Variants in SPIDR observed in about 807,000 individuals in gnomAD.
SPIDR encodes the protein DNA repair-scaffolding protein.
A neutral mutation model predicts 104.6 loss-of-function variants in SPIDR; 93 were observed. The observed-to-expected ratio is 0.89, with a 90% CI of 0.75 to 1.06. The LOEUF is 1.06. SPIDR is among the 50% of genes least tolerant of loss of function. The probability of loss-of-function intolerance (pLI) is 0.00; values close to 1 mark genes in which losing one functional copy is unlikely to be tolerated. For missense variants in SPIDR, 1,154 were observed against 1,111.2 expected, an observed-to-expected ratio of 1.04 and a Z score of -0.55; for synonymous variants, 431 against 416.9, an observed-to-expected ratio of 1.03 and a Z score of -0.41.
At chr8:47,332,948 G>A (rs1224749412) in intron 5 of SPIDR, among the ~76,000 whole-genome samples, 2 of 147,538 alleles carry the variant, frequency 1.4e-5, no homozygotes, top group African/African-American at 5.1e-5. Context: ...CATGTTGTAG[G>A]TTGCCTGTTC....
At chr8:47,290,160 C>G (rs372280865) in intron 3 of SPIDR, among the ~76,000 whole-genome samples, 16 of 152,082 alleles carry the variant, frequency 1.1e-4, no homozygotes, top group South Asian at 4.2e-4. Flanking sequence ...CTGCCTCAGC[C>G]CCCCCTGAGT....
chr8:47,523,161 T>C (rs1022823215), intron 8 of SPIDR, among the ~76,000 whole-genome samples: 2 of 152,030 alleles, frequency 1.3e-5, no homozygotes, highest in Admixed American at 6.6e-5. Flanking sequence ...ATGCATGGCT[T>C]TTCTTTTTTA....
intron 5 of SPIDR, among the ~76,000 whole-genome samples, chr8:47,395,765 G>A (rs2061181255): frequency 6.6e-6 from 1 of 152,044 alleles, no homozygotes; most frequent in Admixed American, 6.5e-5. Flanking sequence ...AATCTGAGTT[G>A]GAGAAAGAAA....
chr8:47,719,232 G>A (rs536795560), intron 16 of SPIDR, among the ~76,000 whole-genome samples: 1 of 152,314 alleles, frequency 6.6e-6, no homozygotes, highest in Admixed American at 6.5e-5. Flanking sequence ...TACCAGGCTG[G>A]GCGTGGTGGT....
At chr8:47,550,124 T>G (rs951817893) in intron 8 of SPIDR, among the ~76,000 whole-genome samples, 3 of 152,318 alleles carry the variant, frequency 2.0e-5, no homozygotes, top group South Asian at 4.1e-4. Context: ...CATTGGTCTG[T>G]ATCTCTGTTT....
At chr8:47,665,493 T>C (rs1424860604) in intron 10 of SPIDR, among the ~76,000 whole-genome samples, 3 of 152,224 alleles carry the variant, frequency 2.0e-5, no homozygotes, top group African/African-American at 7.2e-5. Context: ...GACCTAATTA[T>C]TAGCTGCAGA....
At chr8:47,382,252 T>C (rs1230427209) in intron 5 of SPIDR, among the ~76,000 whole-genome samples, 1 of 152,208 alleles carries the variant, frequency 6.6e-6, no homozygotes, top group African/African-American at 2.4e-5. Context: ...ACTGGGACAC[T>C]GCAGTTCAAG....
At chr8:47,715,329 A>C (rs1046742015) in intron 16 of SPIDR, among the ~76,000 whole-genome samples, 4 of 152,008 alleles carry the variant, frequency 2.6e-5, no homozygotes, top group Non-Finnish European at 4.4e-5. Flanking sequence ...GGCGTGCACC[A>C]CCATGCCCGG....
intron 8 of SPIDR, among the ~76,000 whole-genome samples, chr8:47,530,226 G>C (rs1488133714): frequency 6.6e-6 from 1 of 152,144 alleles, no homozygotes; most frequent in African/African-American, 2.4e-5. Flanking sequence ...CCAGCACTTT[G>C]GGAGGCTGAA....
At chr8:47,399,903 C>T (rs57914950) in intron 6 of SPIDR, among the ~76,000 whole-genome samples, 4,470 of 152,244 alleles carry the variant, frequency 0.029, 68 homozygotes, top group Middle Eastern at 0.044. Context: ...GGGGCAGTAA[C>T]GATGACGGGC....
At chr8:47,537,776 G>A (rs532411565) in intron 8 of SPIDR, among the ~76,000 whole-genome samples, 1 of 152,188 alleles carries the variant, frequency 6.6e-6, no homozygotes, top group African/African-American at 2.4e-5. Context: ...ATGTTAATAG[G>A]GAAACTGAGA....
chr8:47,493,305 T>A (rs562740639), intron 8 of SPIDR, among the ~76,000 whole-genome samples: 80 of 152,270 alleles, frequency 5.3e-4, no homozygotes, highest in Non-Finnish European at 1.0e-3. Context: ...GATGTTATTA[T>A]CGTTAAACCT....
At chr8:47,673,996 T>C in intron 11 of SPIDR, 55 bp downstream of exon 11, 1 of 1,574,590 alleles carries the variant, frequency 6.4e-7, no homozygotes, top group Non-Finnish European at 8.6e-7. Flanking sequence ...TTCTTTTTCT[T>C]AGTCTTTTGT....
At chr8:47,588,345 A>G (rs535978242) in intron 8 of SPIDR, among the ~76,000 whole-genome samples, 1 of 148,496 alleles carries the variant, frequency 6.7e-6, no homozygotes, top group African/African-American at 2.5e-5. Flanking sequence ...TAGTTTTACA[A>G]TTTTAAATGG....
chr8:47,493,246 A>G (rs1286032110), intron 8 of SPIDR, among the ~76,000 whole-genome samples: 3 of 152,196 alleles, frequency 2.0e-5, no homozygotes, highest in African/African-American at 7.2e-5. Context: ...AGAATTTGTT[A>G]TAATTTGGAA....
intron 10 of SPIDR, among the ~76,000 whole-genome samples, chr8:47,661,756 C>T (rs1393570199): frequency 2.0e-5 from 3 of 152,324 alleles, no homozygotes; most frequent in South Asian, 2.1e-4. Flanking sequence ...AAAGATTTAA[C>T]GTTCCTTAAA....
chr8:47,292,651 T>C (rs2040124027), intron 4 of SPIDR, among the ~76,000 whole-genome samples: 1 of 152,166 alleles, frequency 6.6e-6, no homozygotes, highest in Admixed American at 6.5e-5. Context: ...AAAATGCAAA[T>C]TTAAGTGTAA....
intron 5 of SPIDR, among the ~76,000 whole-genome samples, chr8:47,394,736 A>G (rs1240314603): frequency 6.6e-6 from 1 of 152,216 alleles, no homozygotes; most frequent in Non-Finnish European, 1.5e-5. Flanking sequence ...GTTCTTAAGT[A>G]ATACGTAAAG....
At chr8:47,703,222 G>A (rs550529559) in intron 14 of SPIDR, among the ~76,000 whole-genome samples, 9 of 152,088 alleles carry the variant, frequency 5.9e-5, no homozygotes, top group African/African-American at 1.2e-4. Context: ...TTTCTCTTCC[G>A]CTTAAGTTAT....
Sources: gnomAD v4.1 joint callset for allele counts (sites outside exome capture counted in the v4.1 genomes callset) on GRCh38, gnomAD v4.1.1 for gene constraint, MANE v1.5 for transcripts, NCBI Gene and HGNC (gene_info 2026-07-23, HGNC 2026-07-21) for gene names.